The following GATAD2A variants were observed in gnomAD, a reference collection of about 807,000 sequenced individuals.
GATAD2A encodes the protein transcriptional repressor p66-alpha.
In GATAD2A, 12 loss-of-function variants were observed where a neutral mutation model predicts 68.5. The ratio of observed to expected loss-of-function variants is 0.18; its 90% CI spans 0.11 to 0.28. The LOEUF (loss-of-function observed/expected upper bound fraction) is 0.28, where lower values mean the gene tolerates loss of function less well. GATAD2A is among the 10% of genes least tolerant of loss of function. The pLI, the probability that GATAD2A is intolerant of heterozygous loss-of-function variation, is 1.00. For missense variants in GATAD2A, 755 were observed against 868.5 expected, an observed-to-expected ratio of 0.87 and a Z score of 1.64; for synonymous variants, 410 against 375.3, an observed-to-expected ratio of 1.09 and a Z score of -1.07.
intron 1 of GATAD2A, among the ~76,000 whole-genome samples, chr19:19,454,564 C>T (rs1568300959): frequency 1.3e-5 from 2 of 151,438 alleles, no homozygotes; most frequent in Admixed American, 1.3e-4. Context: ...GAGACATTGC[C>T]CCCAGCCTGG....
At chr19:19,416,990 G>T (rs1235503016) in intron 1 of GATAD2A, among the ~76,000 whole-genome samples, 1 of 152,156 alleles carries the variant, frequency 6.6e-6, no homozygotes, top group Non-Finnish European at 1.5e-5. Flanking sequence ...TCGAACTTCT[G>T]ACCTCTGGTA....
intron 1 of GATAD2A, among the ~76,000 whole-genome samples, chr19:19,415,016 C>T (rs1204802438): frequency 2.0e-5 from 3 of 151,318 alleles, no homozygotes; most frequent in African/African-American, 7.3e-5. Flanking sequence ...CTTTGGGAGG[C>T]TGAGGTGGGA....
At chr19:19,492,745 G>A (rs1290541363) in intron 4 of GATAD2A, 33 bp downstream of exon 4, 2 of 1,611,350 alleles carry the variant, frequency 1.2e-6, no homozygotes, top group African/African-American at 2.7e-5. Flanking sequence ...TCCTGGGCCA[G>A]CAGGAGCGCC....
chr19:19,426,445 ATCT>A (rs1246472638), intron 1 of GATAD2A, among the ~76,000 whole-genome samples: 1 of 152,168 alleles, frequency 6.6e-6, no homozygotes, highest in Non-Finnish European at 1.5e-5. Flanking sequence ...AGACTTGTCC[ATCT>A]ATGACATAAT....
chr19:19,449,949 T>C (rs143642156), intron 1 of GATAD2A, among the ~76,000 whole-genome samples: 1 of 105,156 alleles, frequency 9.5e-6, no homozygotes, highest in Non-Finnish European at 2.1e-5. Flanking sequence ...TATTTATTTA[T>C]CTTATATTAA....
chr19:19,424,622 C>T (rs1294447520), intron 1 of GATAD2A, among the ~76,000 whole-genome samples: 2 of 151,890 alleles, frequency 1.3e-5, no homozygotes, highest in Non-Finnish European at 2.9e-5. Flanking sequence ...ATCCTCCTGC[C>T]TCGGCCTCCC....
intron 1 of GATAD2A, among the ~76,000 whole-genome samples, chr19:19,439,543 C>T (rs2054748343): frequency 6.6e-6 from 1 of 152,090 alleles, no homozygotes; most frequent in Non-Finnish European, 1.5e-5. Flanking sequence ...GGGGTATTTG[C>T]AACATCTAGC....
At chr19:19,407,867 C>A (rs565084753) in intron 1 of GATAD2A, among the ~76,000 whole-genome samples, 2 of 152,340 alleles carry the variant, frequency 1.3e-5, no homozygotes, top group South Asian at 4.1e-4. Flanking sequence ...TATCCTCTGT[C>A]TTCACTTATT....
intron 1 of GATAD2A, among the ~76,000 whole-genome samples, chr19:19,430,976 G>GGGGT (rs140794575): frequency 1.0e-4 from 14 of 136,778 alleles, no homozygotes; most frequent in African/African-American, 2.8e-4. Flanking sequence ...GTATGGTAGG[G>GGGGT]GTGTGTGTGT....
chr19:19,490,419 C>G (rs1568331062), intron 2 of GATAD2A, among the ~76,000 whole-genome samples: 3 of 152,102 alleles, frequency 2.0e-5, no homozygotes, highest in Non-Finnish European at 2.9e-5. Context: ...AGAGCAGAGT[C>G]AGGTTCTTCA....
intron 1 of GATAD2A, among the ~76,000 whole-genome samples, chr19:19,452,907 C>T (rs573759658): frequency 8.5e-5 from 13 of 152,272 alleles, no homozygotes; most frequent in Admixed American, 3.9e-4. Flanking sequence ...TGTGCGTCCC[C>T]TCAAAACCAG....
intron 2 of GATAD2A, among the ~76,000 whole-genome samples, chr19:19,485,906 C>T (rs1323699617): frequency 6.6e-6 from 1 of 152,208 alleles, no homozygotes; most frequent in Non-Finnish European, 1.5e-5. Flanking sequence ...CGCACGATGA[C>T]ACACAATTCA....
intron 1 of GATAD2A, among the ~76,000 whole-genome samples, chr19:19,460,058 T>C (rs2057288958): frequency 6.6e-6 from 1 of 152,198 alleles, no homozygotes; most frequent in South Asian, 2.1e-4. Context: ...GAAAGAAGTA[T>C]GCTTGTCAGG....
intron 11 of GATAD2A, among the ~76,000 whole-genome samples, chr19:19,504,367 C>G (rs559168627): frequency 5.0e-4 from 76 of 152,314 alleles, no homozygotes; most frequent in African/African-American, 1.8e-3. Flanking sequence ...TATTTTCCTC[C>G]CCCAGGTGAA....
At chr19:19,407,500 TTAG>T (rs1409583215) in intron 1 of GATAD2A, among the ~76,000 whole-genome samples, 1 of 152,202 alleles carries the variant, frequency 6.6e-6, no homozygotes, top group Non-Finnish European at 1.5e-5. Flanking sequence ...TCAAGGCCTC[TTAG>T]TAGTGAGGCA....
chr19:19,432,463 G>C (rs1386283011), intron 1 of GATAD2A, among the ~76,000 whole-genome samples: 1 of 152,078 alleles, frequency 6.6e-6, no homozygotes, highest in Non-Finnish European at 1.5e-5. Flanking sequence ...CATCATGCCC[G>C]GCTAATTTTG....
intron 1 of GATAD2A, among the ~76,000 whole-genome samples, chr19:19,390,827 G>C (rs188636040): frequency 6.6e-6 from 1 of 152,294 alleles, no homozygotes; most frequent in Non-Finnish European, 1.5e-5. Flanking sequence ...TGAAAGAAGA[G>C]CCATTCTTTC....
At chr19:19,461,188 C>T (rs2057400356) in intron 1 of GATAD2A, among the ~76,000 whole-genome samples, 1 of 152,200 alleles carries the variant, frequency 6.6e-6, no homozygotes, top group Admixed American at 6.5e-5. Context: ...AGTGCTTTAA[C>T]CCACTTACTG....
chr19:19,415,514 A>G (rs569651338), intron 1 of GATAD2A, among the ~76,000 whole-genome samples: 3 of 151,106 alleles, frequency 2.0e-5, no homozygotes, highest in African/African-American at 7.3e-5. Flanking sequence ...CAGTGGCACA[A>G]TCTTGGCTCA....
Sources: gnomAD v4.1 joint callset for allele counts (sites outside exome capture counted in the v4.1 genomes callset) on GRCh38, gnomAD v4.1.1 for gene constraint, MANE v1.5 for transcripts, NCBI Gene and HGNC (gene_info 2026-07-23, HGNC 2026-07-21) for gene names.